SLC11A2: variants seen among roughly 807,000 people sequenced by gnomAD.
SLC11A2 encodes solute carrier family 11 member 2.
A neutral mutation model predicts 68.0 loss-of-function variants in SLC11A2; 38 were observed. That is an observed-to-expected ratio of 0.56 (90% CI 0.43 to 0.73). The LOEUF is 0.73. Ranked by LOEUF, SLC11A2 falls within the 30% of genes least tolerant of loss-of-function variation. The pLI, the probability that SLC11A2 is intolerant of heterozygous loss-of-function variation, is 0.00. For missense variants in SLC11A2, 517 were observed against 690.5 expected (o/e 0.75, Z 2.82); for synonymous variants, 242 against 250.6 (o/e 0.97, Z 0.32).
chr12:50,960,453 T>C, the SLC11A2 span, among the ~76,000 whole-genome samples: 3 of 152,226 alleles, frequency 2.0e-5, no homozygotes, highest in African/African-American at 7.2e-5. Context: ...GACAAGTTAC[T>C]ACACTATATG....
At position 51,026,317 on chromosome 12, in the gene SLC11A2, G is replaced by C. The variant is rs1014976302; in HGVS notation, c.-46C>G. 1.9e-5 allele frequency: 24 copies of C among 1,270,686 alleles called. No homozygotes were observed. The African/African-American group carries it at 3.7e-4, about 19-fold the overall frequency. 78.7% of individuals were successfully genotyped at this position (1,270,686 alleles called of 1,614,324 possible). A position where few individuals can be genotyped will look rare whatever the true frequency, so the allele number is the denominator to read the frequency against. On this transcript the variant is annotated 5_prime_UTR_variant, in exon 1 of 16. Coordinates refer to ENST00000262052, the MANE Select transcript of SLC11A2 (RefSeq NM_000617.3). The stretch of plus-strand genomic sequence containing the variant: ...ACCTTGCCTTCCCCTCACCTTACCA[G>C]CTCCGCAACCACCTGACACGCCGCC...
intron 3 of SLC11A2, chr12:51,005,780 G>T (rs1393106843): frequency 1.0e-5 from 10 of 970,918 alleles, no homozygotes; most frequent in Admixed American, 4.8e-5. Flanking sequence ...GTGGTGCTGT[G>T]TGGTGTGTGC....
the SLC11A2 span, chr12:50,970,365 A>C: frequency 1.2e-6 from 1 of 805,070 alleles, no homozygotes; most frequent in Admixed American, 2.3e-5. Flanking sequence ...CTAGTTTCAT[A>C]AAAATACAAC....
chr12:50,991,524 T>C (rs1205143353), intron 14 of SLC11A2, 75 bp downstream of exon 14: 6 of 1,139,752 alleles, frequency 5.3e-6, no homozygotes, highest in Non-Finnish European at 6.6e-6. Context: ...GTCTCACGTC[T>C]GACTGGCCTA....
chr12:50,985,965 G>A (rs1364666474), downstream of SLC11A2: 3 of 1,142,462 alleles, frequency 2.6e-6, no homozygotes, highest in East Asian at 1.3e-4. Flanking sequence ...ATTATTTCAA[G>A]GTTAAAAAAA....
At chr12:51,010,530 T>C (rs1281882371) in intron 2 of SLC11A2, among the ~76,000 whole-genome samples, 165 bp downstream of exon 2, 1 of 110,374 alleles carries the variant, frequency 9.1e-6, no homozygotes, top group African/African-American at 3.2e-5. Flanking sequence ...AAAAAAAAAA[T>C]CCATTTTCAT....
In SLC11A2 at chr12:50,987,301, G is replaced by A. The variant is rs1356147994; in HGVS notation, c.*1024C>T. On this transcript the variant is annotated 3_prime_UTR_variant, in exon 16 of 16. Transcript: ENST00000262052. The stretch of plus-strand genomic sequence containing the variant: ...AGACAGTGTGCTTTGCAACGGTTAA[G>A]TCCACAGCTCCTGAGATTGCCTCGC... The A allele has an allele frequency of 1.6e-6, 2 of 1,287,090 alleles. No homozygotes were observed. Among genetic ancestry groups the A allele is most frequent in the Non-Finnish European group, 2.0e-6 (2 of 988,692 alleles). The allele number at this position is 1,287,090 out of a possible 1,614,324, so 79.7% of individuals were successfully genotyped here.
chr12:50,994,850 C>G, intron 10 of SLC11A2: 1 of 559,396 alleles, frequency 1.8e-6, no homozygotes, highest in Non-Finnish European at 3.2e-6. Context: ...TACTGAGTTA[C>G]AGTGTGCATG....
At chr12:50,964,891 T>C in the SLC11A2 span, among the ~76,000 whole-genome samples, 1 of 152,338 alleles carries the variant, frequency 6.6e-6, no homozygotes, top group African/African-American at 2.4e-5. Flanking sequence ...CTCTGGTATC[T>C]TTTTTCAAAG....
At chr12:51,027,744 C>G (rs1005940528), upstream of SLC11A2, among the ~76,000 whole-genome samples, 4 of 152,206 alleles carry the variant, frequency 2.6e-5, no homozygotes, top group Non-Finnish European at 5.9e-5. Context: ...TCCCCGACCC[C>G]TCGCACTGCT....
intron 4 of SLC11A2, 129 bp downstream of exon 4, chr12:51,005,178 TACAC>T: frequency 9.7e-7 from 1 of 1,032,320 alleles, no homozygotes; most frequent in Non-Finnish European, 1.5e-6. Flanking sequence ...GAAAGTACTT[TACAC>T]ATAAGAGCCA....
chr12:50,952,613 C>T, the SLC11A2 span, among the ~76,000 whole-genome samples: 6 of 152,186 alleles, frequency 3.9e-5, no homozygotes, highest in African/African-American at 1.2e-4. Context: ...CACACACAGG[C>T]GCAGGGACTA....
Position 51,008,492 on chromosome 12 carries a change from G to C in SLC11A2, c.167C>G (p.Ser56Cys), listed in dbSNP as rs1592395351. The C allele has an allele frequency of 3.1e-6, 5 of 1,613,364 alleles. No homozygotes were observed. The highest frequency in any genetic ancestry group is 4.2e-6 in the Non-Finnish European group (5 of 1,179,420). Residue 56 changes from serine (S) to cysteine (C), a missense_variant, in exon 3 of 16, where the codon TCC becomes TGC. Physicochemically the swap from Ser to Cys is moderately radical, Grantham distance 112 (BLOSUM62 -1). Transcript: ENST00000262052. ...YFATYFNEKI[S>C]IPEEEYSCFS... Reference sequence around the variant, plus strand: ...GATACTAACCTCCTCCTCAGGAATGGAGATCTTCTCATTAAAGTAAGTGGC... The same window carrying C: ...GATACTAACCTCCTCCTCAGGAATGCAGATCTTCTCATTAAAGTAAGTGGC...
chr12:50,984,466 C>A (rs557627894), downstream of SLC11A2, among the ~76,000 whole-genome samples: 1 of 152,158 alleles, frequency 6.6e-6, no homozygotes, highest in Admixed American at 6.5e-5. Context: ...TTCTTCAATA[C>A]GTAGTAAGCA....
chr12:50,978,311 C>T (rs1465418317), downstream of SLC11A2, among the ~76,000 whole-genome samples: 3 of 151,864 alleles, frequency 2.0e-5, no homozygotes, highest in Non-Finnish European at 4.4e-5. Context: ...ACTATGCAGC[C>T]ATAAACAATG....
intron 11 of SLC11A2, among the ~76,000 whole-genome samples, chr12:50,994,008 A>AAAAAAAAAAAAAAAAAAAAAAAC (rs1941454225): frequency 6.6e-6 from 1 of 150,450 alleles, no homozygotes; most frequent in African/African-American, 2.4e-5. Flanking sequence ...AAAAAAAAAA[A>AAAAAAAAAAAAAAAAAAAAAAAC]AAAAAAAAAG....
chr12:51,010,049 C>A (rs530501088), intron 2 of SLC11A2, among the ~76,000 whole-genome samples: 1 of 151,524 alleles, frequency 6.6e-6, no homozygotes, highest in Admixed American at 6.6e-5. Flanking sequence ...CCGGGCGTGG[C>A]GGCAGGTGCC....
upstream of SLC11A2, among the ~76,000 whole-genome samples, chr12:51,027,157 A>C: frequency 7.1e-6 from 1 of 141,710 alleles, no homozygotes; most frequent in South Asian, 2.4e-4. Flanking sequence ...CCTTGGAAAC[A>C]AGAGCGAAAA....
Position 50,995,637 on chromosome 12 carries a change from C to T in SLC11A2, c.982G>A (p.Glu328Lys), listed in dbSNP as rs368662740. 31 of 1,614,088 alleles carry T rather than the reference C, an allele frequency of 1.9e-5. No homozygotes were observed. In the Middle Eastern group the frequency reaches 6.6e-4, roughly 34 times the overall value. Reference protein sequence around the residue: ...FAEAFFGKTNEQVVEVCTNTS... With the variant: ...FAEAFFGKTNKQVVEVCTNTS... ...AACCCTGGCTTACTCACCACCTGCT[C>T]GTTGGTTTTCCCAAAAAATGCTTCA... is the stretch of plus-strand genomic sequence containing the variant. Residue 328 changes from glutamate (E) to lysine (K), a missense_variant, in exon 10 of 16, where the codon GAG becomes AAG. By Grantham distance (56) the Glu-to-Lys change is moderately conservative (BLOSUM62 1). Coordinates refer to ENST00000262052, the MANE Select transcript of SLC11A2 (RefSeq NM_000617.3).
Sources: gnomAD v4.1 joint callset for allele counts (sites outside exome capture counted in the v4.1 genomes callset) on GRCh38, gnomAD v4.1.1 for gene constraint, MANE v1.5 for transcripts, NCBI Gene and HGNC (gene_info 2026-07-23, HGNC 2026-07-21) for gene names.